ELP1: variants seen among roughly 807,000 people sequenced by gnomAD.
The protein encoded by ELP1 is elongator complex protein 1.
A neutral mutation model predicts 183.2 loss-of-function variants in ELP1; 131 were observed. The observed-to-expected ratio is 0.72, with a 90% CI of 0.62 to 0.83. The LOEUF (loss-of-function observed/expected upper bound fraction) is 0.83, where lower values mean the gene tolerates loss of function less well. Among genes scored for constraint, ELP1 ranks in the 40% least tolerant of loss-of-function variants. The pLI is 0.00. For synonymous variants in ELP1, 555 were observed against 569.0 expected (o/e 0.98, Z 0.35); for missense variants, 1,550 against 1,594.9 (o/e 0.97, Z 0.48).
intron 1 of ELP1, among the ~76,000 whole-genome samples, chr9:108,931,821 C>T (rs1031298859): frequency 9.2e-5 from 14 of 152,176 alleles, no homozygotes; most frequent in Admixed American, 2.6e-4. Flanking sequence ...ACCCTGATGA[C>T]CTGACATAAC....
rs1670127805 is a variant in ELP1 at position 108,906,323 on chromosome 9, C to T, written c.1623G>A (p.Glu541=). The part of the protein sequence containing the change: ...LTAASSEMDE[E]HGQLNVSSSA... The stretch of plus-strand genomic sequence containing the variant: ...AATACCTGACATTGAGCTGTCCATG[C>T]TCTTCATCCATCTCAGAAGAAGCTG... The change falls in exon 14 of 37, where the codon GAG becomes GAA. Residue 541 remains glutamate (E), a synonymous_variant. Transcript: ENST00000374647. 1.2e-6 allele frequency: 2 copies of T among 1,613,996 alleles called. No individual in the cohort carries two copies. Among genetic ancestry groups the T allele is most frequent in the Non-Finnish European group, 1.7e-6 (2 of 1,179,878 alleles).
At position 108,898,522 on chromosome 9, in the gene ELP1, G is replaced by A; in HGVS notation, c.2343C>T (p.Asn781=). ...IKQIDSVNHI[N]LFFTELKEED... ...CTTACTTCAATTCTGTAAAAAACAA[G>A]TTAATATGATTCACAGAATCTATCT... The change falls in exon 22 of 37, where the codon AAC becomes AAT. Residue 781 remains asparagine, a synonymous_variant. Transcript: ENST00000374647. 1 of 1,580,874 alleles carries A rather than the reference G, an allele frequency of 6.3e-7. No homozygotes were observed. The highest frequency in any genetic ancestry group is 8.7e-7 in the Non-Finnish European group (1 of 1,152,504).
chr9:108,902,648 T>C (rs1564089086), intron 16 of ELP1, among the ~76,000 whole-genome samples, 191 bp downstream of exon 16: 3 of 152,242 alleles, frequency 2.0e-5, no homozygotes, highest in African/African-American at 7.2e-5. Flanking sequence ...TGAACCCTGA[T>C]AGACAGATAC....
At chr9:108,873,900 T>A (rs1587866574) in intron 36 of ELP1, among the ~76,000 whole-genome samples, 2 of 149,992 alleles carry the variant, frequency 1.3e-5, no homozygotes, top group African/African-American at 2.5e-5. Flanking sequence ...AAGGAATAAG[T>A]GGATATGTCG....
intron 19 of ELP1, 48 bp downstream of exon 19, chr9:108,900,212 G>A (rs1480215925): frequency 5.5e-6 from 7 of 1,277,054 alleles, no homozygotes; most frequent in Non-Finnish European, 8.0e-6. Flanking sequence ...CTTGGTACTT[G>A]GCTGAATGAC....
chr9:108,893,062 C>G lies in ELP1; in HGVS notation c.2882G>C (p.Cys961Ser). The G allele has an allele frequency of 6.2e-7, 1 of 1,613,566 alleles. No homozygotes were observed. The highest frequency in any genetic ancestry group is 2.2e-5 in the East Asian group (1 of 44,858). ...SKCGPEYFPE[C>S]LNLIKDKNLY... ...GTTTTTATCTTTTATCAAGTTTAAGCATTCTGGGAAGTACTCAGGTCCTGC... is the reference window on the plus strand; with the variant it reads ...GTTTTTATCTTTTATCAAGTTTAAGGATTCTGGGAAGTACTCAGGTCCTGC... Residue 961 changes from cysteine to serine, a missense_variant, in exon 27 of 37, where the codon TGC becomes TCC. Cys to Ser is a moderately radical substitution (Grantham distance 112). Coordinates refer to ENST00000374647, the MANE Select transcript of ELP1 (RefSeq NM_003640.5).
chr9:108,892,791 T>G (rs747971746), intron 27 of ELP1, among the ~76,000 whole-genome samples, 195 bp downstream of exon 27: 1 of 152,110 alleles, frequency 6.6e-6, no homozygotes, highest in African/African-American at 2.4e-5. Flanking sequence ...ACGAGGAAGG[T>G]GCTGTGGTAT....
At chr9:108,890,807 A>T (rs1828300176) in intron 28 of ELP1, among the ~76,000 whole-genome samples, 1 of 152,236 alleles carries the variant, frequency 6.6e-6, no homozygotes, top group South Asian at 2.1e-4. Context: ...GAGATGGAAT[A>T]GAAGGTGATA....
chr9:108,907,862 T>G (rs1829075871), intron 13 of ELP1, among the ~76,000 whole-genome samples: 1 of 152,232 alleles, frequency 6.6e-6, no homozygotes, highest in Non-Finnish European at 1.5e-5. Flanking sequence ...AATGGAAGAA[T>G]GCATTCTGAT....
intron 20 of ELP1, 119 bp from the exon 21 acceptor site, chr9:108,898,868 C>A: frequency 1.4e-6 from 1 of 712,282 alleles, no homozygotes; most frequent in Non-Finnish European, 2.5e-6. Context: ...CAATGCCAAG[C>A]TGCTATCACT....
intron 35 of ELP1, among the ~76,000 whole-genome samples, chr9:108,877,678 A>ACCCCATCTTC (rs1827753533): frequency 6.6e-6 from 1 of 152,068 alleles, no homozygotes; most frequent in African/African-American, 2.4e-5. Context: ...GCCGTCTCTG[A>ACCCCATCTTC]CCCCATCTTC....
In ELP1 at chr9:108,879,541, G is replaced by A. The variant is rs141257064; in HGVS notation, c.3477C>T (p.His1159=). The stretch of plus-strand genomic sequence containing the variant: ...CAGAGAAGAGGTCTGACTCTTGCCC[G>A]TGGGGTACCTCATCATCTAGAAAAG... The part of the protein sequence containing the change: ...QQAGLDDEVP[H]GQESDLFSET... Residue 1159 remains histidine (H), a synonymous_variant, in exon 33 of 37, where the codon CAC becomes CAT. Coordinates refer to ENST00000374647, the MANE Select transcript of ELP1 (RefSeq NM_003640.5). 7.9e-5 allele frequency: 127 copies of A among 1,613,488 alleles called. No homozygotes were observed. The highest frequency in any genetic ancestry group is 5.5e-4 in the South Asian group (50 of 91,066).
intron 35 of ELP1, among the ~76,000 whole-genome samples, chr9:108,876,024 G>A (rs948825591): frequency 5.3e-5 from 8 of 152,174 alleles, no homozygotes; most frequent in Non-Finnish European, 1.2e-4. Flanking sequence ...TATAGTCCCA[G>A]CACTTTGGAG....
rs777787704 is a variant in ELP1 at position 108,897,006 on chromosome 9, T to C, written c.2534A>G (p.Lys845Arg). 1.2e-6 allele frequency: 2 copies of C among 1,614,142 alleles called. No homozygotes were observed. The highest frequency in any genetic ancestry group is 2.2e-5 in the South Asian group (2 of 91,076). The part of the protein sequence containing the change: ...YCLSILTSHV[K>R]KTTPELEIVL... ...AATTTCCAGTTCTGGGGTTGTCTTCTTTACATGAGATGTAAGTATGGATAG... is the reference window on the plus strand; with the variant it reads ...AATTTCCAGTTCTGGGGTTGTCTTCCTTACATGAGATGTAAGTATGGATAG... Residue 845 changes from lysine (K) to arginine (R), a missense_variant, in exon 24 of 37, where the codon AAG (lysine) becomes AGG (arginine). Physicochemically the swap from Lys to Arg is conservative, Grantham distance 26. Transcript: ENST00000374647.
chr9:108,930,308 C>A (rs150647655), intron 2 of ELP1, among the ~76,000 whole-genome samples: 1 of 152,090 alleles, frequency 6.6e-6, no homozygotes, highest in South Asian at 2.1e-4. Flanking sequence ...CAAAACCAAC[C>A]CACAGAGGTT....
intron 34 of ELP1, 65 bp from the exon 35 acceptor site, chr9:108,878,214 T>G (rs956568797): frequency 1.4e-6 from 2 of 1,456,796 alleles, no homozygotes; most frequent in Middle Eastern, 1.8e-4. Context: ...GAATCATACA[T>G]AGCTTCTATC....
chr9:108,896,879 G>A (rs1366124664), intron 24 of ELP1, 74 bp downstream of exon 24: 8 of 1,315,222 alleles, frequency 6.1e-6, no homozygotes, highest in Non-Finnish European at 8.8e-6. Flanking sequence ...GCAATGACAT[G>A]GTGATTGTCA....
rs2132003509 is a variant in ELP1, at chr9:108,906,406, A to G, written c.1540T>C (p.Phe514Leu). Reference sequence around the variant, plus strand: ...AACTCACTGTGGCTTACAGCCAGGAAGACGTCTTCTTCAATCCAAGTGAGA... The same window carrying G: ...AACTCACTGTGGCTTACAGCCAGGAGGACGTCTTCTTCAATCCAAGTGAGA... ...GLLTWIEEDVFLAVSHSEFSP... is the reference protein window; with the variant it reads ...GLLTWIEEDVLLAVSHSEFSP... Residue 514 changes from phenylalanine (F) to leucine (L), a missense_variant, in exon 14 of 37, where the codon TTC becomes CTC. Coordinates refer to ENST00000374647, the MANE Select transcript of ELP1 (RefSeq NM_003640.5). 2 of 1,614,142 alleles carry G rather than the reference A, an allele frequency of 1.2e-6. No homozygotes were observed. Among genetic ancestry groups the G allele is most frequent in the South Asian group, 1.1e-5 (1 of 91,086 alleles).
intron 36 of ELP1, 75 bp from the exon 37 acceptor site, chr9:108,869,257 T>C (rs541302767): frequency 8.2e-7 from 1 of 1,215,012 alleles, no homozygotes; most frequent in South Asian, 1.2e-5. Context: ...AACTCTAAAC[T>C]AAACAAACTA....
Sources: gnomAD v4.1 joint callset for allele counts (sites outside exome capture counted in the v4.1 genomes callset) on GRCh38, gnomAD v4.1.1 for gene constraint, MANE v1.5 for transcripts, NCBI Gene and HGNC (gene_info 2026-07-23, HGNC 2026-07-21) for gene names.